Variants in DIP2C observed in about 807,000 individuals in gnomAD.
DIP2C encodes the protein disco-interacting protein 2 homolog C.
Under a neutral mutation model 192.4 loss-of-function variants are expected in DIP2C, and 33 were observed. The observed-to-expected ratio is 0.17, with a 90% CI of 0.13 to 0.23. DIP2C has a LOEUF of 0.23. DIP2C is among the 10% of genes least tolerant of loss of function. The probability of loss-of-function intolerance (pLI) is 1.00; values close to 1 mark genes in which losing one functional copy is unlikely to be tolerated. For missense variants in DIP2C, 1,537 were observed against 2,110.1 expected, an observed-to-expected ratio of 0.73 and a Z score of 5.32; for synonymous variants, 979 against 864.1, an observed-to-expected ratio of 1.13 and a Z score of -2.33.
chr10:681,113 A>C (rs901248512), intron 1 of DIP2C, among the ~76,000 whole-genome samples: 1 of 151,042 alleles, frequency 6.6e-6, no homozygotes, highest in Admixed American at 6.6e-5. Flanking sequence ...ATGGCCACAG[A>C]AATTCCGAGG....
intron 4 of DIP2C, among the ~76,000 whole-genome samples, chr10:424,323 G>A (rs373360956): frequency 1.6e-5 from 2 of 123,980 alleles, no homozygotes; most frequent in Admixed American, 7.9e-5. Flanking sequence ...AAGCAACAAT[G>A]TTAAGAGCCT....
intron 1 of DIP2C, among the ~76,000 whole-genome samples, chr10:529,044 G>A (rs745422544): frequency 5.3e-5 from 8 of 152,194 alleles, no homozygotes; most frequent in Non-Finnish European, 1.2e-4. Flanking sequence ...TGAGGACGGC[G>A]CTGCCGGCAT....
intron 1 of DIP2C, among the ~76,000 whole-genome samples, chr10:549,193 G>A (rs1426895739): frequency 2.0e-5 from 3 of 152,162 alleles, no homozygotes; most frequent in African/African-American, 4.8e-5. Context: ...TGCTAAGTGC[G>A]ATAAAGTTAC....
At chr10:367,785 A>G (rs1052086056) in intron 18 of DIP2C, among the ~76,000 whole-genome samples, 1 of 152,218 alleles carries the variant, frequency 6.6e-6, no homozygotes, top group Non-Finnish European at 1.5e-5. Flanking sequence ...CTGACAAAGG[A>G]CCCTCAGGAT....
chr10:386,423 A>C (rs1002733756), intron 14 of DIP2C, among the ~76,000 whole-genome samples: 1 of 152,222 alleles, frequency 6.6e-6, no homozygotes, highest in African/African-American at 2.4e-5. Context: ...CCAATCCCAA[A>C]GCAGGGGCTC....
At chr10:301,930 C>T (rs1243432169) in intron 32 of DIP2C, among the ~76,000 whole-genome samples, 1 of 152,124 alleles carries the variant, frequency 6.6e-6, no homozygotes, top group African/African-American at 2.4e-5. Context: ...AAAGTGAATT[C>T]TTTTATTTTT....
chr10:510,987 CCACAG>C (rs1461038627), intron 1 of DIP2C, among the ~76,000 whole-genome samples: 1 of 152,302 alleles, frequency 6.6e-6, no homozygotes, highest in East Asian at 1.9e-4. Flanking sequence ...TGAATATTGA[CCACAG>C]CAAAGTCTAT....
Position 329,422 on chromosome 10 carries a change from G to T in DIP2C, c.3753+11C>A. On this transcript the variant is annotated intron_variant, in intron 30 of 36. Transcript: ENST00000280886. ...CTCACAGGGCACTGAGCTGCCAAGGGAGCTGCTTACCTTGAGGGACTCTGT... is the reference window on the plus strand; with the variant it reads ...CTCACAGGGCACTGAGCTGCCAAGGTAGCTGCTTACCTTGAGGGACTCTGT... The T allele has an allele frequency of 1.2e-6, 2 of 1,609,958 alleles. No individual in the cohort carries two copies. The highest frequency in any genetic ancestry group is 1.7e-5 in the Admixed American group (1 of 59,658).
intron 32 of DIP2C, among the ~76,000 whole-genome samples, chr10:299,364 G>A (rs959855864): frequency 2.0e-5 from 3 of 152,226 alleles, no homozygotes; most frequent in Non-Finnish European, 4.4e-5. Flanking sequence ...GCTCACCCTA[G>A]CATCAGGCTT....
chr10:375,651 TC>T (rs571150872), intron 17 of DIP2C, among the ~76,000 whole-genome samples: 70 of 152,148 alleles, frequency 4.6e-4, no homozygotes, highest in Admixed American at 8.5e-4. Context: ...AAGTAGCAGC[TC>T]CTATAAATTT....
intron 1 of DIP2C, among the ~76,000 whole-genome samples, chr10:633,868 G>T (rs983396112): frequency 6.6e-6 from 1 of 152,220 alleles, no homozygotes; most frequent in African/African-American, 2.4e-5. Context: ...GGGAACTGAC[G>T]AACATCTCTG....
chr10:293,018 G>A (rs1386753220), intron 32 of DIP2C, among the ~76,000 whole-genome samples: 1 of 152,214 alleles, frequency 6.6e-6, no homozygotes, highest in African/African-American at 2.4e-5. Flanking sequence ...CCCAACAGAA[G>A]TGCGCCGGCA....
At chr10:607,056 A>AC (rs1273725249) in intron 1 of DIP2C, among the ~76,000 whole-genome samples, 1 of 152,160 alleles carries the variant, frequency 6.6e-6, no homozygotes, top group African/African-American at 2.4e-5. Flanking sequence ...GTGGCCCTTA[A>AC]CGTCCGTACA....
chr10:599,309 TACAGGAACAC>T (rs1851910195), intron 1 of DIP2C, among the ~76,000 whole-genome samples: 1 of 152,192 alleles, frequency 6.6e-6, no homozygotes, highest in Non-Finnish European at 1.5e-5. Flanking sequence ...AAAAACACGT[TACAGGAACAC>T]ACAGGTAAGT....
chr10:376,053 T>C (rs560181006), intron 17 of DIP2C, among the ~76,000 whole-genome samples: 27 of 152,142 alleles, frequency 1.8e-4, no homozygotes, highest in African/African-American at 6.3e-4. Context: ...GCGGTAACAT[T>C]TGTTGAATTC....
chr10:520,692 TCTG>T (rs1846648171), intron 1 of DIP2C, among the ~76,000 whole-genome samples: 2 of 152,228 alleles, frequency 1.3e-5, no homozygotes, highest in Non-Finnish European at 2.9e-5. Context: ...GATCTCGTCT[TCTG>T]CTGCTGTCAA....
chr10:395,947 A>T (rs1963954163), intron 10 of DIP2C, among the ~76,000 whole-genome samples: 1 of 152,072 alleles, frequency 6.6e-6, no homozygotes, highest in Non-Finnish European at 1.5e-5. Context: ...GACCACAGAG[A>T]GTCCCCCCGA....
At chr10:545,001 G>A (rs1232447118) in intron 1 of DIP2C, among the ~76,000 whole-genome samples, 1 of 151,940 alleles carries the variant, frequency 6.6e-6, no homozygotes, top group Non-Finnish European at 1.5e-5. Context: ...GTTTCACCTG[G>A]ATTCTCCCCT....
At chr10:397,223 G>T (rs1964058337) in intron 10 of DIP2C, among the ~76,000 whole-genome samples, 1 of 152,162 alleles carries the variant, frequency 6.6e-6, no homozygotes, top group Non-Finnish European at 1.5e-5. Flanking sequence ...CCCACACTGT[G>T]CACACATTAA....
Sources: allele counts gnomAD v4.1 joint callset (sites outside exome capture counted in the v4.1 genomes callset), GRCh38; gene constraint gnomAD v4.1.1; transcripts MANE v1.5; gene names NCBI Gene and HGNC (gene_info 2026-07-23, HGNC 2026-07-21).